Variants in MMAA observed in about 807,000 individuals in gnomAD.
MMAA encodes metabolism of cobalamin associated A, also known as methylmalonic aciduria type A protein, mitochondrial.
MMAA carries 41 observed loss-of-function variants against 45.0 expected under a neutral mutation model. The observed-to-expected ratio is 0.91, with a 90% CI of 0.71 to 1.18. MMAA has a LOEUF of 1.18. Ranked by LOEUF, MMAA falls within the 50% of genes most tolerant of loss-of-function variation. The probability of loss-of-function intolerance (pLI) is 0.00; values close to 1 mark genes in which losing one functional copy is unlikely to be tolerated. For missense variants in MMAA, 460 were observed against 495.7 expected, an observed-to-expected ratio of 0.93 and a Z score of 0.68; for synonymous variants, 154 against 178.2, an observed-to-expected ratio of 0.86 and a Z score of 1.08.
At chr4:145,641,530 T>C (rs1170124825) in intron 2 of MMAA, among the ~76,000 whole-genome samples, 2 of 152,222 alleles carry the variant, frequency 1.3e-5, no homozygotes. Flanking sequence ...AATGTCTATG[T>C]TTTATATATT....
In MMAA at chr4:145,659,629, A is replaced by C. The variant is rs559704026; in HGVS notation, c.*4195A>C. ...TAACATCCACCTGGCCAATCTTAAG[A>C]TGTGGATAGAGTTCTTTTTTTTCTT... On this transcript the variant is annotated 3_prime_UTR_variant, in exon 7 of 7. Transcript: ENST00000649156. 6.6e-6 allele frequency: 1 copy of C among 152,298 alleles called. No individual in the cohort carries two copies. The highest frequency in any genetic ancestry group is 2.1e-4 in the South Asian group (1 of 4,824). The allele number at this position is 152,298 out of a possible 1,614,324, so 9.4% of individuals were successfully genotyped here.
At chr4:145,626,371 A>T (rs1217698941) in intron 1 of MMAA, among the ~76,000 whole-genome samples, 15 of 152,192 alleles carry the variant, frequency 9.9e-5, no homozygotes, top group African/African-American at 3.4e-4. Flanking sequence ...GGTTAATTAG[A>T]TAAATTCATG....
chr4:145,621,618 A>T (rs1734088996), intron 1 of MMAA, among the ~76,000 whole-genome samples: 1 of 152,206 alleles, frequency 6.6e-6, no homozygotes, highest in Admixed American at 6.5e-5. Flanking sequence ...TGGTAAACAG[A>T]TTAATGGCAT....
intron 1 of MMAA, among the ~76,000 whole-genome samples, chr4:145,633,825 G>A (rs1727529983): frequency 1.3e-5 from 2 of 152,218 alleles, no homozygotes; most frequent in South Asian, 4.1e-4. Flanking sequence ...TAACACTGTG[G>A]TACTACCTTG....
chr4:145,647,205 A>AT (rs1445547494), intron 4 of MMAA, among the ~76,000 whole-genome samples: 1 of 152,214 alleles, frequency 6.6e-6, no homozygotes, highest in Non-Finnish European at 1.5e-5. Flanking sequence ...TTTATCCATG[A>AT]TAAGATGTGA....
chr4:145,636,524 A>G (rs373087040), intron 1 of MMAA, among the ~76,000 whole-genome samples: 1 of 152,166 alleles, frequency 6.6e-6, no homozygotes, highest in African/African-American at 2.4e-5. Flanking sequence ...CTCATCTCCT[A>G]TCAGTAGTTC....
chr4:145,625,774 G>C, intron 1 of MMAA: 1 of 1,221,790 alleles, frequency 8.2e-7, no homozygotes. Context: ...TGCTGAGCCT[G>C]CTGTTGAATT....
chr4:145,631,627 G>C (rs1375332755), intron 1 of MMAA, among the ~76,000 whole-genome samples: 1 of 151,968 alleles, frequency 6.6e-6, no homozygotes, highest in Non-Finnish European at 1.5e-5. Flanking sequence ...TTTTACCAGA[G>C]AGTTTAGTCC....
chr4:145,646,093 A>G lies in MMAA; in HGVS notation c.670A>G (p.Thr224Ala). The G allele has an allele frequency of 6.2e-7, 1 of 1,614,134 alleles. No homozygotes were observed. Among genetic ancestry groups the G allele is most frequent in the Non-Finnish European group, 8.5e-7 (1 of 1,179,972 alleles). ...RGTLGGVTRT[T>A]NEAILLCEGA... The stretch of plus-strand genomic sequence containing the variant: ...AACTTTAGGAGGCGTGACAAGGACC[A>G]CAAATGAAGCTATTCTGTTGTGTGA... The change falls in exon 4 of 7, where the codon ACA becomes GCA. Residue 224 changes from threonine to alanine, a missense_variant. By Grantham distance (58) the Thr-to-Ala change is moderately conservative. Transcript: ENST00000649156.
chr4:145,624,709 C>A, intron 1 of MMAA: 1 of 1,553,956 alleles, frequency 6.4e-7, no homozygotes. Flanking sequence ...CCATTTTTAT[C>A]CTTTCCTTCT....
In MMAA at chr4:145,619,548, A is replaced by G. The variant is rs540399294; in HGVS notation, c.-66+141A>G. 2.6e-5 allele frequency: 4 copies of G among 152,320 alleles called. No homozygotes were observed. In the South Asian group the frequency reaches 8.3e-4, roughly 32 times the overall value. The allele number at this position is 152,320 out of a possible 1,614,324, so 9.4% of individuals were successfully genotyped here. ...GTGGGGGAAGGAAAAGGAGAGTATT[A>G]TCGAATATTCTCCTAATATTGATGT... On this transcript the variant is annotated intron_variant, in intron 1 of 6. Coordinates refer to ENST00000649156, the MANE Select transcript of MMAA (RefSeq NM_172250.3).
intron 1 of MMAA, among the ~76,000 whole-genome samples, chr4:145,620,254 G>C (rs1415568642): frequency 1.3e-5 from 2 of 152,148 alleles, no homozygotes; most frequent in Non-Finnish European, 2.9e-5. Flanking sequence ...GACAAGGACA[G>C]GTTTTTTAAG....
At chr4:145,648,126 G>T (rs1727986500) in intron 4 of MMAA, among the ~76,000 whole-genome samples, 1 of 143,582 alleles carries the variant, frequency 7.0e-6, no homozygotes, top group Admixed American at 7.1e-5. Flanking sequence ...CCCATTACAG[G>T]TGTGATCCAC....
Position 145,659,661 on chromosome 4 carries a change from A to G in MMAA, c.*4227A>G, listed in dbSNP as rs1728333531. ...TAGAGTTCTTTTTTTTCTTTTTTCA[A>G]TTTTTACAATAATTTTTGACACATT... On this transcript the variant is annotated 3_prime_UTR_variant, in exon 7 of 7. Transcript: ENST00000649156. 1 of 151,980 alleles carries G rather than the reference A, an allele frequency of 6.6e-6. No individual in the cohort carries two copies. The highest frequency in any genetic ancestry group is 2.1e-4 in the South Asian group (1 of 4,816). The allele number at this position is 151,980 out of a possible 1,614,324, so 9.4% of individuals were successfully genotyped here.
rs1728302165 is a variant in MMAA, at chr4:145,658,687, A to G, written c.*3253A>G. ...TGATAATTTATGTAGTTGAACCTCT[A>G]AGGCAAAAAAAAAAAAAAAAAGGAA... On this transcript the variant is annotated 3_prime_UTR_variant, in exon 7 of 7. Coordinates refer to ENST00000649156, the MANE Select transcript of MMAA (RefSeq NM_172250.3). 6.9e-6 allele frequency: 1 copy of G among 145,422 alleles called. No homozygotes were observed. Among genetic ancestry groups the G allele is most frequent in the Admixed American group, 6.8e-5 (1 of 14,810 alleles). 9.0% of individuals were successfully genotyped at this position (145,422 alleles called of 1,614,324 possible).
intron 1 of MMAA, among the ~76,000 whole-genome samples, chr4:145,621,048 G>A (rs1162288096): frequency 6.6e-6 from 1 of 152,208 alleles, no homozygotes; most frequent in Non-Finnish European, 1.5e-5. Flanking sequence ...AGTCTGAAAG[G>A]AGGACTGAGG....
intron 1 of MMAA, among the ~76,000 whole-genome samples, chr4:145,630,005 T>C (rs1294002760): frequency 1.3e-5 from 2 of 152,106 alleles, no homozygotes; most frequent in Non-Finnish European, 2.9e-5. Context: ...GGTATCAGAG[T>C]AATACTGGCC....
Position 145,646,080 on chromosome 4 carries a change from C to T in MMAA, c.657C>T (p.Gly219=), listed in dbSNP as rs1291307841. The T allele has an allele frequency of 1.3e-5, 21 of 1,614,000 alleles. No individual in the cohort carries two copies. Among genetic ancestry groups the T allele is most frequent in the East Asian group, 6.7e-5 (3 of 44,864 alleles). ...RPSPTRGTLG[G]VTRTTNEAIL... is the part of the protein sequence containing the mutation. ...CTCCTACTAGAGGAACTTTAGGAGG[C>T]GTGACAAGGACCACAAATGAAGCTA... The change falls in exon 4 of 7, where the codon GGC becomes GGT. Residue 219 remains glycine (G), a synonymous_variant. Transcript: ENST00000649156.
intron 1 of MMAA, among the ~76,000 whole-genome samples, chr4:145,623,714 G>T (rs1388015293): frequency 6.6e-6 from 1 of 152,192 alleles, no homozygotes; most frequent in Non-Finnish European, 1.5e-5. Context: ...AAAACCCACA[G>T]CTAGAGAAGC....
Sources: allele counts gnomAD v4.1 joint callset (sites outside exome capture counted in the v4.1 genomes callset), GRCh38; gene constraint gnomAD v4.1.1; transcripts MANE v1.5; gene names NCBI Gene and HGNC (gene_info 2026-07-23, HGNC 2026-07-21).